Variants in PTPRT observed in about 807,000 individuals in gnomAD.
PTPRT encodes receptor-type tyrosine-protein phosphatase T.
PTPRT carries 56 observed loss-of-function variants against 176.8 expected under a neutral mutation model. The ratio of observed to expected loss-of-function variants is 0.32; its 90% CI spans 0.26 to 0.40. PTPRT has a LOEUF of 0.40. Among genes scored for constraint, PTPRT ranks in the 10% least tolerant of loss-of-function variants. The probability of loss-of-function intolerance (pLI) is 1.00; values close to 1 mark genes in which losing one functional copy is unlikely to be tolerated. For synonymous variants in PTPRT, 783 were observed against 739.0 expected (o/e 1.06, Z -0.96); for missense variants, 1,540 against 1,908.2 (o/e 0.81, Z 3.60).
At chr20:42,256,188 T>G (rs2056635521) in intron 13 of PTPRT, among the ~76,000 whole-genome samples, 1 of 152,200 alleles carries the variant, frequency 6.6e-6, no homozygotes, top group Non-Finnish European at 1.5e-5. Context: ...GCTGGGCAAC[T>G]TTCTGGCTCT....
At chr20:42,512,439 T>C (rs1463051511) in intron 7 of PTPRT, among the ~76,000 whole-genome samples, 4 of 152,232 alleles carry the variant, frequency 2.6e-5, no homozygotes, top group Non-Finnish European at 5.9e-5. Flanking sequence ...CCTTTGAGAT[T>C]CATCCAGTTG....
At chr20:42,527,208 C>A (rs897179830) in intron 7 of PTPRT, among the ~76,000 whole-genome samples, 2 of 151,992 alleles carry the variant, frequency 1.3e-5, no homozygotes, top group Non-Finnish European at 2.9e-5. Context: ...CGTGATCCGC[C>A]TGCCTCGGCC....
At position 42,079,480 on chromosome 20, in the gene PTPRT, A is replaced by C. The variant is rs1048599060; in HGVS notation, c.*1399T>G. 1.8e-5 allele frequency: 4 copies of C among 221,762 alleles called. No homozygotes were observed. In the South Asian group the frequency reaches 5.6e-4, roughly 31 times the overall value. The allele number at this position is 221,762 out of a possible 1,614,324, so 13.7% of individuals were successfully genotyped here. Reference sequence around the variant, plus strand: ...AGGAGATGATCAAATGGAGATGATAACAAGTCAGTAGCTCTCTCCTGGGGG... The same window carrying C: ...AGGAGATGATCAAATGGAGATGATACCAAGTCAGTAGCTCTCTCCTGGGGG... On this transcript the variant is annotated 3_prime_UTR_variant, in exon 31 of 31. Transcript: ENST00000373187.
chr20:42,277,943 A>G (rs980990733), intron 13 of PTPRT, among the ~76,000 whole-genome samples: 4 of 149,048 alleles, frequency 2.7e-5, no homozygotes, highest in African/African-American at 7.4e-5. Flanking sequence ...TGTTCATCCA[A>G]TGCATTTCAT....
chr20:42,778,438 A>G (rs1337486087), intron 4 of PTPRT, among the ~76,000 whole-genome samples: 2 of 152,118 alleles, frequency 1.3e-5, no homozygotes, highest in African/African-American at 4.8e-5. Context: ...CCTTGGGAAA[A>G]GCCAGCTGTC....
Position 42,118,409 on chromosome 20 carries a change from C to A in PTPRT, c.2976G>T (p.Val992=). ...GAGTGCAGGAGAGGCTTACCCTGCCCACTTCCACCAGGTTTGTGACCATGA... is the reference window on the plus strand; with the variant it reads ...GAGTGCAGGAGAGGCTTACCCTGCCAACTTCCACCAGGTTTGTGACCATGA... ...SIVMVTNLVE[V]GRVKCVRYWP... is the part of the protein sequence containing the mutation. Residue 992 remains valine, a synonymous_variant, in exon 21 of 31, where the codon GTG becomes GTT. Transcript: ENST00000373187. The A allele has an allele frequency of 6.2e-7, 1 of 1,611,390 alleles. No homozygotes were observed. Among genetic ancestry groups the A allele is most frequent in the South Asian group, 1.1e-5 (1 of 90,624 alleles).
chr20:42,999,612 T>TGTTGTTGTTGTTGTTG (rs199881893), intron 1 of PTPRT, among the ~76,000 whole-genome samples: 6 of 141,768 alleles, frequency 4.2e-5, no homozygotes, highest in African/African-American at 1.6e-4. Flanking sequence ...TTGTGGTTTT[T>TGTTGTTGTTGTTGTTG]TTTTTGTTGT....
intron 7 of PTPRT, among the ~76,000 whole-genome samples, chr20:42,483,575 G>A (rs1350924018): frequency 6.6e-6 from 1 of 152,212 alleles, no homozygotes; most frequent in East Asian, 1.9e-4. Flanking sequence ...CCACTCAGAT[G>A]AATGTAAAAT....
At chr20:43,121,107 T>C (rs1233084014) in intron 1 of PTPRT, among the ~76,000 whole-genome samples, 1 of 151,650 alleles carries the variant, frequency 6.6e-6, no homozygotes, top group Non-Finnish European at 1.5e-5. Context: ...AATGGTATCA[T>C]ACGCTATGTT....
chr20:42,356,310 C>T (rs552280955), intron 9 of PTPRT, among the ~76,000 whole-genome samples: 23 of 152,098 alleles, frequency 1.5e-4, no homozygotes, highest in Admixed American at 5.2e-4. Flanking sequence ...GGCATGGGTT[C>T]TGGCTGCAAA....
At chr20:42,719,688 T>G (rs1183884321) in intron 6 of PTPRT, among the ~76,000 whole-genome samples, 1 of 152,216 alleles carries the variant, frequency 6.6e-6, no homozygotes. Flanking sequence ...ATGGTCATGG[T>G]GACCTATAGA....
intron 1 of PTPRT, among the ~76,000 whole-genome samples, chr20:42,955,902 C>T (rs1981602924): frequency 6.6e-6 from 1 of 151,902 alleles, no homozygotes; most frequent in Admixed American, 6.6e-5. Flanking sequence ...CAAGGCAGTG[C>T]ATCCCCGGGC....
At chr20:42,323,694 T>C (rs971835418) in intron 11 of PTPRT, among the ~76,000 whole-genome samples, 4 of 152,018 alleles carry the variant, frequency 2.6e-5, no homozygotes, top group Admixed American at 2.0e-4. Context: ...CACACCAGCA[T>C]GGCACATGTA....
chr20:42,766,331 A>G (rs1011985085), intron 5 of PTPRT, among the ~76,000 whole-genome samples: 3 of 152,226 alleles, frequency 2.0e-5, no homozygotes, highest in African/African-American at 7.2e-5. Flanking sequence ...ACTTCACCTC[A>G]AGGAGAAATG....
At chr20:43,073,718 T>G in intron 1 of PTPRT, among the ~76,000 whole-genome samples, 1 of 151,930 alleles carries the variant, frequency 6.6e-6, no homozygotes, top group East Asian at 1.9e-4. Flanking sequence ...CTGGCTACCC[T>G]CTAGGTTACA....
At chr20:42,709,145 A>G (rs1316858493) in intron 6 of PTPRT, among the ~76,000 whole-genome samples, 1 of 152,226 alleles carries the variant, frequency 6.6e-6, no homozygotes, top group Non-Finnish European at 1.5e-5. Flanking sequence ...TCGGGACAGA[A>G]AGGGCCAGTG....
chr20:42,967,803 C>T (rs1336494843), intron 1 of PTPRT, among the ~76,000 whole-genome samples: 4 of 151,828 alleles, frequency 2.6e-5, no homozygotes, highest in African/African-American at 4.8e-5. Flanking sequence ...TTCAGCCTCG[C>T]CCTCTCCAAG....
At chr20:42,481,059 A>G (rs779252338) in intron 7 of PTPRT, among the ~76,000 whole-genome samples, 24 of 151,236 alleles carry the variant, frequency 1.6e-4, no homozygotes, top group Non-Finnish European at 3.4e-4. Flanking sequence ...GATAGTAAAT[A>G]TTTAAGGTTT....
At chr20:42,278,073 CT>C (rs1251578178) in intron 13 of PTPRT, among the ~76,000 whole-genome samples, 3 of 39,240 alleles carry the variant, frequency 7.6e-5, no homozygotes, top group East Asian at 7.5e-4. Flanking sequence ...TGTAAGTAGA[CT>C]ATATATATAT....
Sources: gnomAD v4.1 joint callset for allele counts (sites outside exome capture counted in the v4.1 genomes callset) on GRCh38, gnomAD v4.1.1 for gene constraint, MANE v1.5 for transcripts, NCBI Gene and HGNC (gene_info 2026-07-23, HGNC 2026-07-21) for gene names.